LAMA1: variants seen among roughly 807,000 people sequenced by gnomAD.
LAMA1 encodes laminin subunit alpha-1.
LAMA1 carries 219 observed loss-of-function variants against 348.7 expected under a neutral mutation model. The ratio of observed to expected loss-of-function variants is 0.63; its 90% CI spans 0.56 to 0.70. The LOEUF (loss-of-function observed/expected upper bound fraction) is 0.70, where lower values mean the gene tolerates loss of function less well. Among genes scored for constraint, LAMA1 ranks in the 30% least tolerant of loss-of-function variants. The pLI, the probability that LAMA1 is intolerant of heterozygous loss-of-function variation, is 0.00. For missense variants in LAMA1, 3,744 were observed against 3,888.0 expected (o/e 0.96, Z 0.99); for synonymous variants, 1,487 against 1,491.0 (o/e 1.00, Z 0.06).
intron 1 of LAMA1, among the ~76,000 whole-genome samples, chr18:7,091,485 GC>G (rs1270809461): frequency 5.3e-5 from 8 of 152,146 alleles, no homozygotes; most frequent in Non-Finnish European, 1.2e-4. Context: ...TTTCTGACCA[GC>G]CCAAACACTT....
At chr18:7,067,000 G>T (rs2058125386) in intron 3 of LAMA1, among the ~76,000 whole-genome samples, 1 of 152,190 alleles carries the variant, frequency 6.6e-6, no homozygotes, top group Non-Finnish European at 1.5e-5. Flanking sequence ...AATGGGAACA[G>T]GTTAAATGAA....
At chr18:7,041,720 AT>A (rs1285881645) in intron 9 of LAMA1, among the ~76,000 whole-genome samples, 1 of 152,186 alleles carries the variant, frequency 6.6e-6, no homozygotes, top group Non-Finnish European at 1.5e-5. Context: ...AGCAATTGCT[AT>A]TTACTGTGTT....
At chr18:7,078,177 T>C (rs1344163661) in intron 3 of LAMA1, among the ~76,000 whole-genome samples, 1 of 150,760 alleles carries the variant, frequency 6.6e-6, no homozygotes, top group African/African-American at 2.4e-5. Context: ...TTTTATTTTA[T>C]TTTTTTTGAG....
At chr18:6,986,921 G>C (rs900715202) in intron 36 of LAMA1, among the ~76,000 whole-genome samples, 1 of 152,148 alleles carries the variant, frequency 6.6e-6, no homozygotes, top group Non-Finnish European at 1.5e-5. Flanking sequence ...ATCACGCCCA[G>C]CTAATTTTTT....
intron 3 of LAMA1, among the ~76,000 whole-genome samples, chr18:7,072,577 A>G (rs2058150385): frequency 6.6e-6 from 1 of 152,218 alleles, no homozygotes; most frequent in Admixed American, 6.5e-5. Context: ...ACAGCAGTCC[A>G]TGATTTCTCC....
chr18:6,999,983 C>G lies in LAMA1; in HGVS notation c.4397G>C (p.Cys1466Ser). Reference protein sequence around the residue: ...HSPPASFSPTCVLEGDHDFRC... With the variant: ...HSPPASFSPTSVLEGDHDFRC... ...GAAATCGTGGTCCCCTTCCAAGACA[C>G]AAGTGGGACTAAAACTGGAGGAAAA... The change falls in exon 31 of 63, where the codon TGT (cysteine) becomes TCT (serine). Residue 1466 changes from cysteine to serine, a missense_variant. Transcript: ENST00000389658. 1 of 1,613,606 alleles carries G rather than the reference C, an allele frequency of 6.2e-7. No homozygotes were observed. The highest frequency in any genetic ancestry group is 8.5e-7 in the Non-Finnish European group (1 of 1,179,550).
intron 36 of LAMA1, among the ~76,000 whole-genome samples, chr18:6,990,511 G>A (rs1415935850): frequency 6.6e-6 from 1 of 152,186 alleles, no homozygotes; most frequent in Non-Finnish European, 1.5e-5. Flanking sequence ...GCAGGTCCTG[G>A]GAAGCCCTGG....
chr18:7,058,008 T>C (rs1324001661), intron 3 of LAMA1, among the ~76,000 whole-genome samples: 1 of 151,740 alleles, frequency 6.6e-6, no homozygotes. Flanking sequence ...TTCACCAACT[T>C]GGCTAGGCTG....
At chr18:7,072,900 T>C (rs1292565848) in intron 3 of LAMA1, among the ~76,000 whole-genome samples, 1 of 152,176 alleles carries the variant, frequency 6.6e-6, no homozygotes, top group Non-Finnish European at 1.5e-5. Flanking sequence ...TTCTCCCATG[T>C]CTACTTCCGG....
intron 41 of LAMA1, among the ~76,000 whole-genome samples, chr18:6,981,380 C>G (rs966983411): frequency 1.1e-4 from 17 of 152,178 alleles, no homozygotes; most frequent in African/African-American, 4.1e-4. Context: ...CCACCTGCAT[C>G]TCTGGCCAAT....
chr18:6,962,909 T>C (rs1270564253), intron 51 of LAMA1, among the ~76,000 whole-genome samples: 1 of 152,224 alleles, frequency 6.6e-6, no homozygotes, highest in Non-Finnish European at 1.5e-5. Flanking sequence ...ACCAGAAGTC[T>C]CCACACTCCT....
At position 6,992,685 on chromosome 18, in the gene LAMA1, C is replaced by T. The variant is rs2057764149; in HGVS notation, c.5044G>A (p.Asp1682Asn). Residue 1682 changes from aspartate (D) to asparagine (N), a missense_variant, in exon 36 of 63, where the codon GAT (aspartate) becomes AAT (asparagine). By Grantham distance (23) the Asp-to-Asn change is conservative (BLOSUM62 1). Coordinates refer to ENST00000389658, the MANE Select transcript of LAMA1 (RefSeq NM_005559.4). Reference protein sequence around the residue: ...MEKTTLNQTLDEDFLLPNSTL... With the variant: ...MEKTTLNQTLNEDFLLPNSTL... ...GAATTGGGTAGTAGGAAATCTTCAT[C>T]CAAAGTCTGATTTAAAGTTGTCTTT... The T allele has an allele frequency of 6.2e-7, 1 of 1,613,280 alleles. No individual in the cohort carries two copies. The highest frequency in any genetic ancestry group is 8.5e-7 in the Non-Finnish European group (1 of 1,179,332).
intron 22 of LAMA1, among the ~76,000 whole-genome samples, chr18:7,015,411 A>G (rs1280577534): frequency 1.3e-5 from 2 of 152,082 alleles, no homozygotes; most frequent in Non-Finnish European, 2.9e-5. Flanking sequence ...CTGAGACCAC[A>G]GGCGTGTGCC....
rs1385118330 is a variant in LAMA1 at position 7,083,224 on chromosome 18, C to T, written c.62-2767G>A. Among the ~76,000 whole-genome samples, 8 of 139,090 alleles carry T rather than the reference C, an allele frequency of 5.8e-5. No individual in the cohort carries two copies. The East Asian group carries it at 6.5e-4, about 11-fold the overall frequency. 91.2% of individuals were successfully genotyped at this position (139,090 alleles called of 152,430 possible). On this transcript the variant is annotated intron_variant, in intron 1 of 62. Coordinates refer to ENST00000389658, the MANE Select transcript of LAMA1 (RefSeq NM_005559.4). ...TTTTTTTTTGAGACATAGTCTCTGT[C>T]GCCCAGGCTGGAGTGCAGTGGCACG... is the stretch of plus-strand genomic sequence containing the variant.
intron 33 of LAMA1, among the ~76,000 whole-genome samples, chr18:6,997,405 A>C (rs1235718006): frequency 6.6e-6 from 1 of 152,134 alleles, no homozygotes; most frequent in Non-Finnish European, 1.5e-5. Flanking sequence ...GCTGTTTGCA[A>C]ATACCCAAAG....
intron 22 of LAMA1, among the ~76,000 whole-genome samples, chr18:7,015,070 A>G (rs1296767966): frequency 1.3e-5 from 2 of 152,034 alleles, no homozygotes; most frequent in Non-Finnish European, 2.9e-5. Context: ...GGATGGTCTC[A>G]ATCTCCTGAC....
Position 6,987,890 on chromosome 18 carries a change from T to C in LAMA1, c.5169-1543A>G, listed in dbSNP as rs575478150. On this transcript the variant is annotated intron_variant, in intron 36 of 62. Coordinates refer to ENST00000389658, the MANE Select transcript of LAMA1 (RefSeq NM_005559.4). Reference sequence around the variant, plus strand: ...AGAAAACACAAATAAACCCAATATATTTCTAATGTGTGATCATGAATCTAT... The same window carrying C: ...AGAAAACACAAATAAACCCAATATACTTCTAATGTGTGATCATGAATCTAT... Among the ~76,000 whole-genome samples, 5 of 152,308 alleles carry C rather than the reference T, an allele frequency of 3.3e-5. No homozygotes were observed. The South Asian group carries it at 1.0e-3, about 32-fold the overall frequency.
intron 42 of LAMA1, among the ~76,000 whole-genome samples, chr18:6,979,695 C>G (rs565985121): frequency 1.1e-4 from 16 of 152,108 alleles, no homozygotes; most frequent in African/African-American, 2.7e-4. Flanking sequence ...GTCAGGAGAT[C>G]GAGACCATCC....
rs1173746388 is a variant in LAMA1 at position 7,013,858 on chromosome 18, C to A, written c.3320G>T (p.Gly1107Val). 1.2e-6 allele frequency: 2 copies of A among 1,611,836 alleles called. No homozygotes were observed. Among genetic ancestry groups the A allele is most frequent in the African/African-American group, 1.3e-5 (1 of 74,854 alleles). The change falls in exon 23 of 63, where the codon GGT becomes GTT. Residue 1107 changes from glycine to valine, a missense_variant. Physicochemically the swap from Gly to Val is moderately radical, Grantham distance 109. This residue lies in a region of LAMA1 where 1,529 missense variants were observed against 1,689.4 expected (regional missense o/e 0.91). Coordinates refer to ENST00000389658, the MANE Select transcript of LAMA1 (RefSeq NM_005559.4). ...GGTTTCCTCCACACAGCCGCAGAGACCCTGCTCCAGGTTGCAGGCGTCCCC... is the reference window on the plus strand; with the variant it reads ...GGTTTCCTCCACACAGCCGCAGAGAACCTGCTCCAGGTTGCAGGCGTCCCC... ...TSGDACNLEQ[G>V]LCGCVEETGA...
Sources: gnomAD v4.1 joint callset for allele counts (sites outside exome capture counted in the v4.1 genomes callset) on GRCh38, gnomAD v4.1.1 for gene constraint, gnomAD v4.1.1 regional missense constraint, MANE v1.5 for transcripts, NCBI Gene and HGNC (gene_info 2026-07-23, HGNC 2026-07-21) for gene names.